The following TICRR variants were observed in gnomAD, a reference collection of about 807,000 sequenced individuals.
The protein encoded by TICRR is TOPBP1 interacting checkpoint and replication regulator.
A neutral mutation model predicts 178.1 loss-of-function variants in TICRR; 132 were observed. That is an observed-to-expected ratio of 0.74 (90% confidence interval 0.64 to 0.86). TICRR has a LOEUF of 0.86. Among genes scored for constraint, TICRR ranks in the 40% least tolerant of loss-of-function variants. The probability of loss-of-function intolerance (pLI) is 0.00; values close to 1 mark genes in which losing one functional copy is unlikely to be tolerated. For missense variants in TICRR, 2,587 were observed against 2,334.3 expected, an observed-to-expected ratio of 1.11 and a Z score of -2.23; for synonymous variants, 991 against 900.7, an observed-to-expected ratio of 1.10 and a Z score of -1.79.
intron 1 of TICRR, chr15:89,582,338 A>AAAC (rs1962741888): frequency 6.2e-6 from 1 of 161,104 alleles, no homozygotes; most frequent in African/African-American, 2.6e-5. Context: ...AAAAAAAAAA[A>AAAC]AAGGTTATTT....
intron 2 of TICRR, 105 bp from the exon 3 acceptor site, chr15:89,584,181 T>TA: frequency 8.7e-7 from 1 of 1,155,518 alleles, no homozygotes; most frequent in Non-Finnish European, 1.2e-6. Flanking sequence ...ATTATTTTCT[T>TA]ATTGTTATTA....
intron 2 of TICRR, 84 bp downstream of exon 2, chr15:89,583,049 C>T: frequency 2.9e-6 from 4 of 1,365,304 alleles, no homozygotes; most frequent in South Asian, 3.0e-5. Context: ...ACTTCTTTGG[C>T]ATTTCTCACA....
intron 15 of TICRR, 158 bp downstream of exon 15, chr15:89,609,107 T>A: frequency 6.1e-6 from 2 of 326,344 alleles, no homozygotes. Flanking sequence ...AATCTTTTTT[T>A]TTTTTTTTTT....
rs1357244291 is a variant in TICRR at position 89,616,476 on chromosome 15, C to A, written c.2941C>A (p.His981Asn). 6.2e-7 allele frequency: 1 copy of A among 1,613,962 alleles called. No individual in the cohort carries two copies. ...TAAGCAGATCTCCAAAAGGCTGCTG[C>A]ACAGACAAATCAAGGGCAGGTGAGT... Reference protein sequence around the residue: ...VHKQISKRLLHRQIKGRSSDP... With the variant: ...VHKQISKRLLNRQIKGRSSDP... Residue 981 changes from histidine (H) to asparagine (N), a missense_variant, in exon 16 of 22, where the codon CAC becomes AAC. Physicochemically the swap from His to Asn is moderately conservative, Grantham distance 68. Transcript: ENST00000268138.
At position 89,621,407 on chromosome 15, in the gene TICRR, T is replaced by C; in HGVS notation, c.3169T>C (p.Ser1057Pro). ...QQDKSDQREN[S>P]PVQSIRSPKS... ...TTGACTTGCAGACCAAAGAGAAAAT[T>C]CTCCAGTCCAAAGTATTCGGTCTCC... Residue 1057 changes from serine to proline, a missense_variant, in exon 19 of 22, where the codon TCT becomes CCT. Transcript: ENST00000268138. 1 of 1,593,172 alleles carries C rather than the reference T, an allele frequency of 6.3e-7. No individual in the cohort carries two copies. The highest frequency in any genetic ancestry group is 8.5e-7 in the Non-Finnish European group (1 of 1,174,592).
At chr15:89,586,214 C>T (rs528414553) in intron 4 of TICRR, among the ~76,000 whole-genome samples, 2 of 152,246 alleles carry the variant, frequency 1.3e-5, no homozygotes, top group South Asian at 4.1e-4. Context: ...TGTAGTGATT[C>T]TGTCTACCCT....
chr15:89,598,179 T>C (rs2141962874), intron 7 of TICRR, among the ~76,000 whole-genome samples: 1 of 152,258 alleles, frequency 6.6e-6, no homozygotes, highest in East Asian at 1.9e-4. Context: ...TTCACCGTGT[T>C]AGCCAGGATG....
chr15:89,623,961 TTCCAGTCCAGAAAGCCCC>T lies in TICRR; in HGVS notation c.3655_3672del (p.Ser1219_Ser1224del). The T allele has an allele frequency of 6.2e-7, 1 of 1,613,984 alleles. No individual in the cohort carries two copies. Among genetic ancestry groups the T allele is most frequent in the Non-Finnish European group, 8.5e-7 (1 of 1,180,014 alleles). ...ACTGTACTTGGCCACATTCAGTGAA[TTCCAGTCCAGAAAGCCCC>T]TCCTGTCCAGCCCCTCCAACTTCAT... On this transcript the variant is annotated inframe_deletion, in exon 20 of 22. Coordinates refer to ENST00000268138, the MANE Select transcript of TICRR (RefSeq NM_152259.4).
Position 89,601,520 on chromosome 15 carries a change from C to G in TICRR, c.2279C>G (p.Thr760Ser). The G allele has an allele frequency of 6.2e-7, 1 of 1,614,188 alleles. No homozygotes were observed. The highest frequency in any genetic ancestry group is 1.3e-5 in the African/African-American group (1 of 75,038). ...GATTTGCTGCGCATGGTGTGTTTAA[C>G]TGAGGATTCAGCGTACCTAGCAGAG... The part of the protein sequence containing the change: ...VTDLLRMVCL[T>S]EDSAYLAEFL... The change falls in exon 11 of 22, where the codon ACT (threonine) becomes AGT (serine). Residue 760 changes from threonine (T) to serine (S), a missense_variant. Coordinates refer to ENST00000268138, the MANE Select transcript of TICRR (RefSeq NM_152259.4).
intron 1 of TICRR, among the ~76,000 whole-genome samples, chr15:89,579,476 G>T (rs1962684660): frequency 6.6e-6 from 1 of 152,108 alleles, no homozygotes; most frequent in South Asian, 2.1e-4. Context: ...CTCCCGAGTA[G>T]CTGGGATTAC....
intron 1 of TICRR, chr15:89,582,368 C>A: frequency 9.6e-6 from 2 of 209,394 alleles, no homozygotes; most frequent in Non-Finnish European, 1.9e-5. Context: ...TATAATGGTT[C>A]TATGTTCCTT....
Position 89,625,154 on chromosome 15 carries a change from G to A in TICRR, c.4844G>A (p.Ser1615Asn). 1 of 1,613,788 alleles carries A rather than the reference G, an allele frequency of 6.2e-7. No homozygotes were observed. Among genetic ancestry groups the A allele is most frequent in the Non-Finnish European group, 8.5e-7 (1 of 1,179,982 alleles). The change falls in exon 20 of 22, where the codon AGC (serine) becomes AAC (asparagine). Residue 1615 changes from serine (S) to asparagine (N), a missense_variant. Ser to Asn is a conservative substitution (Grantham distance 46). Transcript: ENST00000268138. ...LSMPRASRSLSKPEPTYVSPP... is the reference protein window; with the variant it reads ...LSMPRASRSLNKPEPTYVSPP... ...ATGCCCAGGGCCAGCAGGTCCTTAAGCAAACCTGAACCCACCTATGTGTCA... is the reference window on the plus strand; with the variant it reads ...ATGCCCAGGGCCAGCAGGTCCTTAAACAAACCTGAACCCACCTATGTGTCA...
intron 4 of TICRR, among the ~76,000 whole-genome samples, chr15:89,586,729 A>G (rs1223808113): frequency 6.6e-6 from 1 of 152,190 alleles, no homozygotes; most frequent in Non-Finnish European, 1.5e-5. Context: ...TAGAGGCGAC[A>G]GCGAGTGCCA....
At chr15:89,587,073 T>C (rs79706832) in intron 4 of TICRR, among the ~76,000 whole-genome samples, 1,647 of 152,264 alleles carry the variant, frequency 0.011, 39 homozygotes, top group African/African-American at 0.038. Flanking sequence ...TTGGAAGTAG[T>C]TGGAGCTCTT....
chr15:89,600,258 G>C (rs879882637), intron 8 of TICRR, among the ~76,000 whole-genome samples: 1 of 152,164 alleles, frequency 6.6e-6, no homozygotes, highest in African/African-American at 2.4e-5. Context: ...TTCATGTTCA[G>C]TGGCCATCAC....
In TICRR at chr15:89,625,092, C is replaced by G. The variant is rs1287530653; in HGVS notation, c.4782C>G (p.Ser1594Arg). ...CTGAGCCCCTCAGCAAGGAGGAGAG[C>G]TCTCTGGGAGAAGAGAGCTTCCTCC... is the stretch of plus-strand genomic sequence containing the variant. ...LEAEPLSKEE[S>R]SLGEESFLPA... The change falls in exon 20 of 22, where the codon AGC becomes AGG. Residue 1594 changes from serine (S) to arginine (R), a missense_variant. By Grantham distance (110) the Ser-to-Arg change is moderately radical. Transcript: ENST00000268138. The G allele has an allele frequency of 1.9e-6, 3 of 1,613,690 alleles. No individual in the cohort carries two copies. The highest frequency in any genetic ancestry group is 1.3e-5 in the African/African-American group (1 of 74,916).
At chr15:89,612,461 C>T (rs1963269910) in intron 15 of TICRR, among the ~76,000 whole-genome samples, 1 of 152,156 alleles carries the variant, frequency 6.6e-6, no homozygotes, top group African/African-American at 2.4e-5. Flanking sequence ...ACGAGGTCTT[C>T]ACTGTCTGCC....
rs867377992 is a variant in TICRR, at chr15:89,625,362, C to T, written c.5052C>T (p.Asp1684=). 1 of 1,614,034 alleles carries T rather than the reference C, an allele frequency of 6.2e-7. No homozygotes were observed. Among genetic ancestry groups the T allele is most frequent in the East Asian group, 2.2e-5 (1 of 44,856 alleles). ...SGKTTPDIIK[D]WPRRKRAVGC... ...AGACAACTCCAGACATAATTAAAGA[C>T]TGGCCCAGGAGGAAGAGGGCGGTGG... The change falls in exon 20 of 22, where the codon GAC becomes GAT. Residue 1684 remains aspartate (D), a synonymous_variant. Coordinates refer to ENST00000268138, the MANE Select transcript of TICRR (RefSeq NM_152259.4).
At chr15:89,618,953 G>T (rs1963379211) in intron 17 of TICRR, among the ~76,000 whole-genome samples, 1 of 152,134 alleles carries the variant, frequency 6.6e-6, no homozygotes, top group African/African-American at 2.4e-5. Flanking sequence ...GCAAGACCAT[G>T]TCTCTAAAAA....
Sources: allele counts gnomAD v4.1 joint callset (sites outside exome capture counted in the v4.1 genomes callset), GRCh38; gene constraint gnomAD v4.1.1; transcripts MANE v1.5; gene names NCBI Gene and HGNC (gene_info 2026-07-23, HGNC 2026-07-21).